Variants in USH2A observed in about 807,000 individuals in gnomAD.
The protein encoded by USH2A is Usher syndrome 2A (autosomal recessive, mild).
A neutral mutation model predicts 538.9 loss-of-function variants in USH2A; 443 were observed. The observed-to-expected ratio is 0.82, with a 90% confidence interval of 0.76 to 0.89. The LOEUF (loss-of-function observed/expected upper bound fraction) is 0.89, where lower values mean the gene tolerates loss of function less well. USH2A is among the 40% of genes least tolerant of loss of function. The probability of loss-of-function intolerance (pLI) is 0.00; values close to 1 mark genes in which losing one functional copy is unlikely to be tolerated. For synonymous variants in USH2A, 2,413 were observed against 2,273.5 expected, an observed-to-expected ratio of 1.06 and a Z score of -1.75; for missense variants, 6,633 against 6,324.8, an observed-to-expected ratio of 1.05 and a Z score of -1.65.
At chr1:216,053,991 T>C (rs1221870737) in intron 30 of USH2A, among the ~76,000 whole-genome samples, 1 of 152,154 alleles carries the variant, frequency 6.6e-6, no homozygotes, top group African/African-American at 2.4e-5. Context: ...GGTTTCCACT[T>C]AACAGAGGGG....
chr1:215,713,827 A>G (rs1027678576), intron 61 of USH2A, among the ~76,000 whole-genome samples: 2 of 152,232 alleles, frequency 1.3e-5, no homozygotes, highest in Admixed American at 6.5e-5. Flanking sequence ...CATAAATAAC[A>G]TCTTGTTCCA....
At chr1:216,176,003 G>A (rs2102641827) in intron 20 of USH2A, among the ~76,000 whole-genome samples, 1 of 152,284 alleles carries the variant, frequency 6.6e-6, no homozygotes, top group South Asian at 2.1e-4. Flanking sequence ...AGAGCCCCTT[G>A]CCTTAAAGAG....
intron 37 of USH2A, among the ~76,000 whole-genome samples, chr1:215,960,759 G>A (rs1390410062): frequency 6.6e-6 from 1 of 152,006 alleles, no homozygotes; most frequent in African/African-American, 2.4e-5. Flanking sequence ...ATTCACATGT[G>A]TTTGTGCTCT....
At chr1:215,936,744 C>A (rs1666509128) in intron 37 of USH2A, among the ~76,000 whole-genome samples, 1 of 152,002 alleles carries the variant, frequency 6.6e-6, no homozygotes, top group East Asian at 1.9e-4. Context: ...CCCCTTCCAA[C>A]CTAACAATGT....
At chr1:215,784,988 A>T (rs935028302) in intron 52 of USH2A, among the ~76,000 whole-genome samples, 2 of 152,230 alleles carry the variant, frequency 1.3e-5, no homozygotes, top group African/African-American at 2.4e-5. Context: ...CCATGACTTA[A>T]ATCTATAACT....
chr1:215,846,078 T>G, intron 44 of USH2A, 45 bp from the exon 45 acceptor site: 1 of 1,585,670 alleles, frequency 6.3e-7, no homozygotes. Flanking sequence ...GCTGAGGCTT[T>G]CAGGGGAAAA....
intron 55 of USH2A, among the ~76,000 whole-genome samples, chr1:215,774,298 A>G (rs952398942): frequency 1.3e-5 from 2 of 151,776 alleles, no homozygotes; most frequent in African/African-American, 4.8e-5. Flanking sequence ...CCTCTCTCCA[A>G]TATCTTCCTG....
intron 67 of USH2A, among the ~76,000 whole-genome samples, chr1:215,640,998 C>T (rs1049595100): frequency 2.0e-5 from 3 of 151,894 alleles, no homozygotes; most frequent in African/African-American, 7.3e-5. Flanking sequence ...TAAAAAAAAT[C>T]GATAGAGAGT....
At chr1:216,350,637 A>G (rs548938975) in intron 4 of USH2A, among the ~76,000 whole-genome samples, 1 of 152,180 alleles carries the variant, frequency 6.6e-6, no homozygotes, top group African/African-American at 2.4e-5. Flanking sequence ...TCCAGGGCAC[A>G]TTGGTGGGAG....
At chr1:216,232,980 A>T (rs1254138582) in intron 13 of USH2A, among the ~76,000 whole-genome samples, 2 of 152,228 alleles carry the variant, frequency 1.3e-5, no homozygotes, top group African/African-American at 4.8e-5. Context: ...GTTTACACCC[A>T]GACCACCCAG....
At chr1:216,392,002 T>C (rs2039117747) in intron 3 of USH2A, among the ~76,000 whole-genome samples, 1 of 152,150 alleles carries the variant, frequency 6.6e-6, no homozygotes, top group Admixed American at 6.5e-5. Context: ...GGCCATTCAT[T>C]CAGTGATACA....
intron 58 of USH2A, among the ~76,000 whole-genome samples, chr1:215,752,190 G>A (rs1660642138): frequency 6.6e-6 from 1 of 152,090 alleles, no homozygotes; most frequent in Admixed American, 6.6e-5. Context: ...ATTTTAAATG[G>A]CAGGATATCC....
intron 22 of USH2A, among the ~76,000 whole-genome samples, chr1:216,093,264 C>A (rs1254217914): frequency 6.6e-6 from 1 of 152,172 alleles, no homozygotes; most frequent in Admixed American, 6.6e-5. Flanking sequence ...CGCCCAGTGG[C>A]TTTAACAATT....
intron 58 of USH2A, 27 bp downstream of exon 58, chr1:215,758,568 A>C: frequency 6.2e-7 from 1 of 1,604,818 alleles, no homozygotes; most frequent in African/African-American, 1.3e-5. Flanking sequence ...TTACACACAC[A>C]CACACATACT....
intron 38 of USH2A, among the ~76,000 whole-genome samples, chr1:215,927,979 G>A (rs533700793): frequency 6.6e-6 from 1 of 152,102 alleles, no homozygotes; most frequent in Non-Finnish European, 1.5e-5. Context: ...CCAAGTAAAA[G>A]ACACAGCAAT....
rs761233749 is a variant in USH2A, at chr1:215,867,169, A to G, written c.8683T>C (p.Phe2895Leu). 2 of 1,613,856 alleles carry G rather than the reference A, an allele frequency of 1.2e-6. No individual in the cohort carries two copies. The highest frequency in any genetic ancestry group is 1.7e-6 in the Non-Finnish European group (2 of 1,179,878). The change falls in exon 44 of 72, where the codon TTT (phenylalanine) becomes CTT (leucine). Residue 2895 changes from phenylalanine (F) to leucine (L), a missense_variant and splice_region_variant. Phe to Leu is a conservative substitution (Grantham distance 22, BLOSUM62 0). Transcript: ENST00000307340. ...WLYEDKGLSR[F>L]TTYEYMLFVH... ...AAGAGCATATATTCATAGGTTGTAA[A>G]CCTAAAATGTTGTTTTGTTAAAAAA...
At chr1:216,079,544 G>C (rs1394992507) in intron 26 of USH2A, among the ~76,000 whole-genome samples, 1 of 152,078 alleles carries the variant, frequency 6.6e-6, no homozygotes, top group South Asian at 2.1e-4. Context: ...TAAGACAAAG[G>C]GTACATATGG....
At chr1:215,911,802 T>C (rs945661552) in intron 38 of USH2A, among the ~76,000 whole-genome samples, 1 of 152,100 alleles carries the variant, frequency 6.6e-6, no homozygotes, top group African/African-American at 2.4e-5. Flanking sequence ...TCCATAGTGG[T>C]TGTACTAATT....
intron 64 of USH2A, among the ~76,000 whole-genome samples, chr1:215,664,607 C>T (rs1657545881): frequency 6.6e-6 from 1 of 152,188 alleles, no homozygotes; most frequent in Admixed American, 6.5e-5. Context: ...GAATACAGAG[C>T]TGGAGGGTGC....
Sources: allele counts gnomAD v4.1 joint callset (sites outside exome capture counted in the v4.1 genomes callset), GRCh38; gene constraint gnomAD v4.1.1; transcripts MANE v1.5; gene names NCBI Gene and HGNC (gene_info 2026-07-23, HGNC 2026-07-21).